The following MYO16 variants were observed in gnomAD, a reference collection of about 807,000 sequenced individuals.
MYO16 encodes the protein myosin XVI, also known as unconventional myosin-XVI.
MYO16 carries 94 observed loss-of-function variants against 205.3 expected under a neutral mutation model. The ratio of observed to expected loss-of-function variants is 0.46; its 90% CI spans 0.39 to 0.54. The LOEUF (loss-of-function observed/expected upper bound fraction) is 0.54, where lower values mean the gene tolerates loss of function less well. Among genes scored for constraint, MYO16 ranks in the 20% least tolerant of loss-of-function variants. The pLI is 0.00. For missense variants in MYO16, 2,315 were observed against 2,387.5 expected (o/e 0.97, Z 0.63); for synonymous variants, 988 against 954.0 (o/e 1.04, Z -0.66).
At position 109,127,526 on chromosome 13, in the gene MYO16, G is replaced by A. The variant is rs1430548215; in HGVS notation, c.4027G>A (p.Ala1343Thr). 8.7e-6 allele frequency: 14 copies of A among 1,611,830 alleles called. No individual in the cohort carries two copies. Among genetic ancestry groups the A allele is most frequent in the Non-Finnish European group, 1.2e-5 (14 of 1,179,838 alleles). Reference sequence around the variant, plus strand: ...TGAGGCTGTGAGCGCCTGCCTCTCCGCGGCCAGGGAAGCGGCCAACGAAGG... The same window carrying A: ...TGAGGCTGTGAGCGCCTGCCTCTCCACGGCCAGGGAAGCGGCCAACGAAGG... ...SYEAVSACLS[A>T]AREAANEALA... Residue 1343 changes from alanine to threonine, a missense_variant, in exon 31 of 35, where the codon GCG becomes ACG. Ala to Thr is a moderately conservative substitution (Grantham distance 58). This residue lies in a region of MYO16 where 1,097 missense variants were observed against 1,092.0 expected (regional missense o/e 1.00). Coordinates refer to ENST00000457511, the MANE Select transcript of MYO16 (RefSeq NM_001198950.3). The surrounding 1 kb of genome is among the most constrained non-coding windows in gnomAD (Gnocchi z 4.2).
In MYO16 at chr13:108,781,111, A is replaced by T. The variant is rs1886286865; in HGVS notation, c.508-4524A>T. Among the ~76,000 whole-genome samples the T allele has an allele frequency of 2.0e-5, 3 of 152,352 alleles. No homozygotes were observed. In the East Asian group the frequency reaches 5.8e-4, roughly 29 times the overall value. ...TACATGACTCCTAATTGTATTCACT[A>T]TCACCTGTGCCCAGGTGTTTCGCAT... On this transcript the variant is annotated intron_variant, in intron 4 of 34. Transcript: ENST00000457511.
intron 12 of MYO16, among the ~76,000 whole-genome samples, chr13:108,879,727 T>A (rs948013317): frequency 2.6e-5 from 4 of 152,218 alleles, no homozygotes; most frequent in African/African-American, 9.7e-5. Flanking sequence ...TTCCATGGTG[T>A]GTATGTGCCA....
At chr13:108,993,176 G>A (rs531501552) in intron 21 of MYO16, among the ~76,000 whole-genome samples, 15 of 152,234 alleles carry the variant, frequency 9.9e-5, no homozygotes, top group Admixed American at 5.2e-4. Context: ...TCATAGTTAC[G>A]TAATTTGTTT....
At chr13:108,687,896 A>G (rs1367109351) in intron 2 of MYO16, among the ~76,000 whole-genome samples, 6 of 152,160 alleles carry the variant, frequency 3.9e-5, no homozygotes, top group Admixed American at 3.9e-4. Context: ...TAGAAAGGAG[A>G]TTCTGGGACA....
intron 9 of MYO16, among the ~76,000 whole-genome samples, chr13:108,841,842 G>A (rs988053471): frequency 3.3e-5 from 5 of 152,070 alleles, no homozygotes; most frequent in African/African-American, 9.7e-5. Context: ...CAAAGCTATA[G>A]TAATCAAAAT....
intron 3 of MYO16, among the ~76,000 whole-genome samples, chr13:108,715,297 C>T (rs9520981): frequency 0.2 from 29,722 of 152,138 alleles, 4,095 homozygotes; most frequent in East Asian, 0.56. Flanking sequence ...CTCTGCTCAA[C>T]GTGATCTAAA....
At chr13:108,956,016 C>A (rs73616443) in intron 16 of MYO16, among the ~76,000 whole-genome samples, 2,250 of 152,196 alleles carry the variant, frequency 0.015, 54 homozygotes, top group African/African-American at 0.05. Context: ...TAGCCTTCTG[C>A]GTATTGATGA....
the MYO16 span, among the ~76,000 whole-genome samples, chr13:108,506,410 C>T: frequency 1.3e-5 from 2 of 151,918 alleles, no homozygotes; most frequent in Non-Finnish European, 2.9e-5. Context: ...GCATTTTATT[C>T]TTTTTTGATG....
At chr13:108,790,820 A>G (rs1269991455) in intron 5 of MYO16, among the ~76,000 whole-genome samples, 1 of 152,220 alleles carries the variant, frequency 6.6e-6, no homozygotes, top group Non-Finnish European at 1.5e-5. Flanking sequence ...CCAGAAATAG[A>G]TATATTTTCT....
chr13:109,122,001 C>A (rs552674078), intron 29 of MYO16, among the ~76,000 whole-genome samples: 2 of 152,290 alleles, frequency 1.3e-5, no homozygotes, highest in African/African-American at 4.8e-5. Flanking sequence ...TTGGATCATC[C>A]CCTTGCAAGT....
chr13:108,748,584 A>C (rs1407303262), intron 4 of MYO16, among the ~76,000 whole-genome samples: 1 of 152,158 alleles, frequency 6.6e-6, no homozygotes, highest in African/African-American at 2.4e-5. Flanking sequence ...GCTTATTATA[A>C]GACTACAGTA....
At chr13:109,042,526 A>G (rs1886915595) in intron 23 of MYO16, among the ~76,000 whole-genome samples, 2 of 152,208 alleles carry the variant, frequency 1.3e-5, no homozygotes, top group South Asian at 4.1e-4. Flanking sequence ...ACAACAACAA[A>G]ACACTGTTTG....
At chr13:108,507,784 T>C in the MYO16 span, among the ~76,000 whole-genome samples, 335 of 152,282 alleles carry the variant, frequency 2.2e-3, 1 homozygote, top group Admixed American at 6.1e-3. Flanking sequence ...CTCATAAGTA[T>C]CTTATGATTT....
At chr13:108,880,870 T>A (rs1350405924) in intron 12 of MYO16, among the ~76,000 whole-genome samples, 1 of 152,220 alleles carries the variant, frequency 6.6e-6, no homozygotes, top group Non-Finnish European at 1.5e-5. Flanking sequence ...CCATATGAAC[T>A]TTAAAGTAGT....
intron 16 of MYO16, among the ~76,000 whole-genome samples, chr13:108,918,813 C>T (rs1881613065): frequency 6.6e-6 from 1 of 152,134 alleles, no homozygotes; most frequent in African/African-American, 2.4e-5. Flanking sequence ...GAGGCAGGTG[C>T]CTGCAGTCCC....
chr13:108,992,898 TAGAG>T (rs943412234), intron 21 of MYO16, among the ~76,000 whole-genome samples: 19 of 152,182 alleles, frequency 1.2e-4, no homozygotes, highest in Non-Finnish European at 2.9e-5. Context: ...AAAAATACAT[TAGAG>T]AGGCATGGGT....
chr13:108,757,891 C>T (rs535433498), intron 4 of MYO16, among the ~76,000 whole-genome samples: 9 of 152,258 alleles, frequency 5.9e-5, no homozygotes, highest in East Asian at 3.9e-4. Context: ...GATATGTATG[C>T]GACACAATGC....
chr13:108,580,267 C>T, the MYO16 span, among the ~76,000 whole-genome samples: 1 of 152,152 alleles, frequency 6.6e-6, no homozygotes, highest in Non-Finnish European at 1.5e-5. Flanking sequence ...AAATCATACC[C>T]ATAATGCAGA....
chr13:108,959,891 G>A (rs1181123782), intron 17 of MYO16, among the ~76,000 whole-genome samples: 3 of 151,956 alleles, frequency 2.0e-5, no homozygotes, highest in African/African-American at 4.8e-5. Flanking sequence ...GGTTCTTGAG[G>A]ACAGCACAGA....
Sources: allele counts gnomAD v4.1 joint callset (sites outside exome capture counted in the v4.1 genomes callset), GRCh38; gene constraint gnomAD v4.1.1; regional missense constraint gnomAD v4.1.1; non-coding constraint Gnocchi (gnomAD v3.1); transcripts MANE v1.5; gene names NCBI Gene and HGNC (gene_info 2026-07-23, HGNC 2026-07-21).